Variants in SGIP1 observed in about 807,000 individuals in gnomAD.
SGIP1 encodes the protein SH3-containing GRB2-like protein 3-interacting protein 1.
In SGIP1, 38 loss-of-function variants were observed where a neutral mutation model predicts 107.5. That is an observed-to-expected ratio of 0.35 (90% CI 0.27 to 0.46). The LOEUF (loss-of-function observed/expected upper bound fraction) is 0.46. Among genes scored for constraint, SGIP1 ranks in the 20% least tolerant of loss-of-function variants. The pLI is 1.00. For missense variants in SGIP1, 929 were observed against 1,019.5 expected, an observed-to-expected ratio of 0.91 and a Z score of 1.21; for synonymous variants, 365 against 366.1, an observed-to-expected ratio of 1.00 and a Z score of 0.03.
At chr1:66,631,743 T>A in intron 2 of SGIP1, among the ~76,000 whole-genome samples, 1 of 145,032 alleles carries the variant, frequency 6.9e-6, no homozygotes, top group East Asian at 2.0e-4. Context: ...ACGGGCTCCC[T>A]GCCATGAAGC....
intron 2 of SGIP1, among the ~76,000 whole-genome samples, chr1:66,631,044 GAAGAAAGAAAGA>G (rs373346734): frequency 0.066 from 6,751 of 102,562 alleles, 163 homozygotes; most frequent in South Asian, 0.091. Context: ...AGGAAGAAAG[GAAGAAAGAAAGA>G]AAGAAAGAAA....
At chr1:66,642,670 A>C (rs1461550944) in intron 5 of SGIP1, 140 bp from the exon 6 acceptor site, 7 of 603,104 alleles carry the variant, frequency 1.2e-5, no homozygotes, top group Non-Finnish European at 2.0e-5. Context: ...TATTGCTCAG[A>C]ATTCACTTCC....
intron 15 of SGIP1, among the ~76,000 whole-genome samples, chr1:66,688,117 A>C (rs772429292): frequency 1.6e-4 from 24 of 151,874 alleles, no homozygotes; most frequent in Non-Finnish European, 3.5e-4. Context: ...AGGGGGTGGC[A>C]GGTGTGGGGG....
At chr1:66,722,013 C>T (rs985702620) in intron 19 of SGIP1, among the ~76,000 whole-genome samples, 1 of 152,144 alleles carries the variant, frequency 6.6e-6, no homozygotes, top group African/African-American at 2.4e-5. Flanking sequence ...TCGAGACTCC[C>T]CCAGCCTCAC....
chr1:66,661,398 C>G (rs987630645), intron 8 of SGIP1, among the ~76,000 whole-genome samples: 4 of 152,142 alleles, frequency 2.6e-5, no homozygotes, highest in Non-Finnish European at 4.4e-5. Context: ...TGACCAAATC[C>G]TGGCAGCCAC....
intron 1 of SGIP1, among the ~76,000 whole-genome samples, chr1:66,563,578 G>A (rs1326792959): frequency 6.6e-6 from 1 of 152,034 alleles, no homozygotes; most frequent in African/African-American, 2.4e-5. Context: ...GAAAGTGCTA[G>A]TGATTTAGAG....
intron 3 of SGIP1, among the ~76,000 whole-genome samples, chr1:66,634,613 G>C (rs1459852939): frequency 6.6e-6 from 1 of 152,162 alleles, no homozygotes; most frequent in Non-Finnish European, 1.5e-5. Flanking sequence ...TTTATTAGCA[G>C]TTGTGCCCAC....
At chr1:66,598,897 A>C (rs909621183) in intron 1 of SGIP1, among the ~76,000 whole-genome samples, 1 of 152,156 alleles carries the variant, frequency 6.6e-6, no homozygotes, top group African/African-American at 2.4e-5. Context: ...ATTCCTTTAG[A>C]TGATGTCATA....
intron 1 of SGIP1, chr1:66,616,226 A>G (rs185954027): frequency 8.7e-4 from 132 of 152,290 alleles, no homozygotes; most frequent in African/African-American, 3.1e-3. Context: ...GAAAAGCTTG[A>G]GGTTTTGAAA....
chr1:66,657,237 T>C (rs762570276), intron 7 of SGIP1, among the ~76,000 whole-genome samples: 94 of 152,212 alleles, frequency 6.2e-4, no homozygotes, highest in Admixed American at 2.9e-3. Context: ...CCATCCTATT[T>C]TTAAGGTTCA....
intron 1 of SGIP1, among the ~76,000 whole-genome samples, chr1:66,544,396 A>G (rs1345991792): frequency 6.6e-6 from 1 of 152,210 alleles, no homozygotes; most frequent in Non-Finnish European, 1.5e-5. Context: ...GAATAAAACC[A>G]GAATACAGGC....
chr1:66,630,215 G>A (rs907221528), intron 2 of SGIP1, among the ~76,000 whole-genome samples: 2 of 152,122 alleles, frequency 1.3e-5, no homozygotes, highest in African/African-American at 4.8e-5. Flanking sequence ...CATCCCAACG[G>A]CTGCAATAAG....
chr1:66,542,967 C>G (rs536851398), intron 1 of SGIP1, among the ~76,000 whole-genome samples: 1 of 152,292 alleles, frequency 6.6e-6, no homozygotes. Context: ...GCCTAGGTCT[C>G]TGACTGGCAA....
At chr1:66,660,918 A>C (rs890857407) in intron 8 of SGIP1, among the ~76,000 whole-genome samples, 31 of 152,228 alleles carry the variant, frequency 2.0e-4, no homozygotes, top group African/African-American at 7.0e-4. Context: ...ACATAGTAGC[A>C]TCTGGAATGC....
intron 5 of SGIP1, among the ~76,000 whole-genome samples, chr1:66,640,334 A>T (rs752983258): frequency 1.7e-4 from 26 of 152,222 alleles, no homozygotes; most frequent in Admixed American, 3.3e-4. Context: ...TTGTTCAAAA[A>T]ATGCTTTTTT....
chr1:66,545,717 G>T (rs72916320), intron 1 of SGIP1, among the ~76,000 whole-genome samples: 25,458 of 149,624 alleles, frequency 0.17, 2,395 homozygotes, highest in East Asian at 0.38. Context: ...TAAGGAATTG[G>T]CTCACATGAT....
At chr1:66,602,192 T>C (rs1371037669) in intron 1 of SGIP1, among the ~76,000 whole-genome samples, 1 of 152,196 alleles carries the variant, frequency 6.6e-6, no homozygotes, top group Non-Finnish European at 1.5e-5. Context: ...GTCCAAATAA[T>C]AGATCTGAAA....
At chr1:66,676,909 A>C (rs1265240880) in intron 12 of SGIP1, 95 bp from the exon 13 acceptor site, 7 of 950,996 alleles carry the variant, frequency 7.4e-6, no homozygotes, top group African/African-American at 6.6e-5. Flanking sequence ...GAGGAAAATA[A>C]TTTTGTAAAG....
chr1:66,623,804 A>C (rs1320573110), intron 1 of SGIP1, among the ~76,000 whole-genome samples: 1 of 152,178 alleles, frequency 6.6e-6, no homozygotes, highest in Non-Finnish European at 1.5e-5. Flanking sequence ...ACTTGTATTA[A>C]GCTATGCAAT....
Sources: allele counts gnomAD v4.1 joint callset (sites outside exome capture counted in the v4.1 genomes callset), GRCh38; gene constraint gnomAD v4.1.1; transcripts MANE v1.5; gene names NCBI Gene and HGNC (gene_info 2026-07-23, HGNC 2026-07-21).